RIMS2: variants seen among roughly 807,000 people sequenced by gnomAD.
The protein encoded by RIMS2 is regulating synaptic membrane exocytosis 2, also known as regulating synaptic membrane exocytosis protein 2.
A neutral mutation model predicts 174.4 loss-of-function variants in RIMS2; 59 were observed. The observed-to-expected ratio is 0.34, with a 90% CI of 0.27 to 0.42. The LOEUF (loss-of-function observed/expected upper bound fraction) is 0.42. Among genes scored for constraint, RIMS2 ranks in the 10% least tolerant of loss-of-function variants. The probability of loss-of-function intolerance (pLI) is 1.00; values close to 1 mark genes in which losing one functional copy is unlikely to be tolerated. For synonymous variants in RIMS2, 606 were observed against 572.5 expected (o/e 1.06, Z -0.84); for missense variants, 1,620 against 1,666.3 (o/e 0.97, Z 0.48).
At chr8:103,748,927 A>G (rs1239156382) in intron 2 of RIMS2, among the ~76,000 whole-genome samples, 1 of 151,830 alleles carries the variant, frequency 6.6e-6, no homozygotes, top group African/African-American at 2.4e-5. Flanking sequence ...CAGCCTCCTG[A>G]GTAGCTAGGA....
intron 3 of RIMS2, among the ~76,000 whole-genome samples, chr8:103,826,088 T>A (rs887009904): frequency 6.6e-6 from 1 of 152,190 alleles, no homozygotes; most frequent in African/African-American, 2.4e-5. Context: ...GTGTCCAATA[T>A]TTTTTAAATT....
intron 19 of RIMS2, among the ~76,000 whole-genome samples, chr8:104,222,193 C>A (rs988217571): frequency 6.6e-6 from 1 of 152,140 alleles, no homozygotes; most frequent in Non-Finnish European, 1.5e-5. Context: ...ACTGATTTGT[C>A]GTGTCTCTCC....
At chr8:103,614,465 C>T (rs1589063448) in intron 1 of RIMS2, among the ~76,000 whole-genome samples, 1 of 152,252 alleles carries the variant, frequency 6.6e-6, no homozygotes, top group Admixed American at 6.5e-5. Flanking sequence ...TCTCATGCCC[C>T]TTTTAATGAT....
intron 2 of RIMS2, among the ~76,000 whole-genome samples, chr8:103,744,321 G>A (rs1419140401): frequency 6.6e-6 from 1 of 152,150 alleles, no homozygotes; most frequent in African/African-American, 2.4e-5. Context: ...TGGGATTGCA[G>A]GCATGAGCCA....
At chr8:103,752,934 C>G (rs1474219659) in intron 2 of RIMS2, among the ~76,000 whole-genome samples, 2 of 152,002 alleles carry the variant, frequency 1.3e-5, no homozygotes, top group Non-Finnish European at 2.9e-5. Flanking sequence ...ATTTCCTTCT[C>G]CTGCCTAATT....
intron 3 of RIMS2, among the ~76,000 whole-genome samples, chr8:103,843,857 T>G (rs949085798): frequency 6.6e-6 from 1 of 152,186 alleles, no homozygotes; most frequent in African/African-American, 2.4e-5. Flanking sequence ...ATGATTTGAA[T>G]TTTCTTTCTG....
intron 19 of RIMS2, among the ~76,000 whole-genome samples, chr8:104,087,814 A>G (rs963578546): frequency 2.0e-5 from 3 of 152,166 alleles, no homozygotes; most frequent in Non-Finnish European, 4.4e-5. Context: ...CTCAGTCTCC[A>G]GTGAAAATTT....
chr8:103,666,552 G>T (rs553114698), intron 1 of RIMS2, among the ~76,000 whole-genome samples: 3 of 152,288 alleles, frequency 2.0e-5, no homozygotes, highest in Admixed American at 2.0e-4. Flanking sequence ...GTAAAAGGTA[G>T]CCTAGAGGAG....
chr8:103,697,101 G>T lies in RIMS2; in HGVS notation c.192G>T (p.Gln64His), dbSNP rs766232521. Residue 64 changes from glutamine (Q) to histidine (H), a missense_variant, in exon 2 of 24, where the codon CAG (glutamine) becomes CAT (histidine). By Grantham distance (24) the Gln-to-His change is conservative. Coordinates refer to ENST00000504942, the Ensembl canonical transcript of RIMS2. Reference sequence around the variant, plus strand: ...TTCTCTGCAGAAAACTGCATCAGCAGTTTGAAATGTATAAAGAGCAGGTAA... The same window carrying T: ...TTCTCTGCAGAAAACTGCATCAGCATTTTGAAATGTATAAAGAGCAGGTAA... 3.1e-6 allele frequency: 5 copies of T among 1,612,962 alleles called. No individual in the cohort carries two copies. The highest frequency in any genetic ancestry group is 2.2e-5 in the East Asian group (1 of 44,806).
At chr8:103,763,465 G>A (rs376677838) in intron 2 of RIMS2, among the ~76,000 whole-genome samples, 1 of 151,314 alleles carries the variant, frequency 6.6e-6, no homozygotes, top group African/African-American at 2.4e-5. Context: ...AAGGAAGAAA[G>A]GAAGGGAGGG....
intron 19 of RIMS2, among the ~76,000 whole-genome samples, chr8:104,077,568 ATCTG>A (rs1259212710): frequency 6.6e-6 from 1 of 151,108 alleles, no homozygotes; most frequent in Non-Finnish European, 1.5e-5. Flanking sequence ...TAATCTAAAT[ATCTG>A]TCTATTGGTA....
intron 19 of RIMS2, among the ~76,000 whole-genome samples, chr8:104,220,378 ACTT>A (rs1405197958): frequency 6.6e-6 from 1 of 152,250 alleles, no homozygotes; most frequent in South Asian, 2.1e-4. Flanking sequence ...TTCCAGACTA[ACTT>A]CTTCTTGGTT....
At chr8:103,841,456 T>C (rs2098939358) in intron 3 of RIMS2, among the ~76,000 whole-genome samples, 1 of 151,998 alleles carries the variant, frequency 6.6e-6, no homozygotes, top group Non-Finnish European at 1.5e-5. Flanking sequence ...TAAATGACCG[T>C]TATCAGCAAC....
chr8:104,124,380 G>A (rs528963405), intron 19 of RIMS2, among the ~76,000 whole-genome samples: 1 of 152,224 alleles, frequency 6.6e-6, no homozygotes, highest in South Asian at 2.1e-4. Flanking sequence ...AACTAACAAA[G>A]TGAGATTAAA....
chr8:103,646,215 G>T (rs1018893385), intron 1 of RIMS2, among the ~76,000 whole-genome samples: 2 of 152,124 alleles, frequency 1.3e-5, no homozygotes, highest in Admixed American at 6.6e-5. Context: ...GGATGTGTAG[G>T]AGCAGGCCAC....
At chr8:104,243,844 G>A (rs571495280) in intron 19 of RIMS2, among the ~76,000 whole-genome samples, 1 of 152,232 alleles carries the variant, frequency 6.6e-6, no homozygotes, top group Non-Finnish European at 1.5e-5. Flanking sequence ...CTCGAGCTTT[G>A]GTAGCCTCTC....
intron 3 of RIMS2, among the ~76,000 whole-genome samples, chr8:103,834,742 T>TTCTCTCTCTC (rs780656073): frequency 6.4e-5 from 7 of 109,588 alleles, no homozygotes; most frequent in African/African-American, 3.0e-4. Flanking sequence ...CTTTCTTTCT[T>TTCTCTCTCTC]TCTCTCTCTT....
At chr8:103,910,369 C>G (rs1487475214) in intron 5 of RIMS2, 2 of 1,596,236 alleles carry the variant, frequency 1.3e-6, no homozygotes, top group African/African-American at 2.7e-5. Context: ...GCAGTTTTGT[C>G]GGACTCTAAC....
intron 4 of RIMS2, among the ~76,000 whole-genome samples, chr8:103,906,572 G>A (rs2074456750): frequency 6.6e-6 from 1 of 152,108 alleles, no homozygotes. Flanking sequence ...TTGTCAATCA[G>A]ATGTTTTTGC....
Sources: allele counts gnomAD v4.1 joint callset (sites outside exome capture counted in the v4.1 genomes callset), GRCh38; gene constraint gnomAD v4.1.1; transcripts MANE v1.5; gene names NCBI Gene and HGNC (gene_info 2026-07-23, HGNC 2026-07-21).